Variants in PID1 observed in about 807,000 individuals in gnomAD.
The protein encoded by PID1 is phosphotyrosine interaction domain containing 1, also known as PTB-containing, cubilin and LRP1-interacting protein.
A neutral mutation model predicts 19.1 loss-of-function variants in PID1; 10 were observed. The ratio of observed to expected loss-of-function variants is 0.52; its 90% CI spans 0.32 to 0.89. The LOEUF (loss-of-function observed/expected upper bound fraction) is 0.89, where lower values mean the gene tolerates loss of function less well. Among genes scored for constraint, PID1 ranks in the 40% least tolerant of loss-of-function variants. The probability of loss-of-function intolerance (pLI) is 0.03; values close to 1 mark genes in which losing one functional copy is unlikely to be tolerated. For synonymous variants in PID1, 130 were observed against 116.0 expected, an observed-to-expected ratio of 1.12 and a Z score of -0.78; for missense variants, 248 against 285.3, an observed-to-expected ratio of 0.87 and a Z score of 0.94.
intron 2 of PID1, among the ~76,000 whole-genome samples, chr2:229,152,997 G>A (rs959927564): frequency 3.9e-5 from 6 of 152,222 alleles, no homozygotes; most frequent in African/African-American, 9.7e-5. Flanking sequence ...CCTGGGAGGC[G>A]TGAGCCCGAG....
chr2:229,098,444 T>C (rs570331764), intron 2 of PID1, among the ~76,000 whole-genome samples: 3 of 152,202 alleles, frequency 2.0e-5, no homozygotes, highest in African/African-American at 4.8e-5. Context: ...CTTTGTCCAA[T>C]TGACACATAT....
intron 1 of PID1, among the ~76,000 whole-genome samples, chr2:229,250,605 C>T (rs1449474910): frequency 2.0e-5 from 3 of 152,336 alleles, no homozygotes; most frequent in Middle Eastern, 3.4e-3. Context: ...CCAATTTTCT[C>T]GTTTTCCTTA....
intron 2 of PID1, among the ~76,000 whole-genome samples, chr2:229,078,992 C>T (rs13006244): frequency 0.054 from 8,272 of 152,210 alleles, 439 homozygotes; most frequent in African/African-American, 0.13. Context: ...TTAGGCAAAA[C>T]AAGTGATGCT....
At chr2:229,058,028 T>G (rs1694138377) in intron 2 of PID1, among the ~76,000 whole-genome samples, 1 of 152,168 alleles carries the variant, frequency 6.6e-6, no homozygotes, top group Non-Finnish European at 1.5e-5. Context: ...ATAAGGTCAA[T>G]TGTGCTATGG....
chr2:229,111,681 C>G (rs1574637420), intron 2 of PID1, among the ~76,000 whole-genome samples: 1 of 152,186 alleles, frequency 6.6e-6, no homozygotes, highest in Middle Eastern at 3.4e-3. Context: ...ACAATAAAAA[C>G]AATTCCAAAA....
chr2:229,210,532 AAAAAAAAAAAAAAAAAAAAAAAC>A (rs1691708364), intron 1 of PID1, among the ~76,000 whole-genome samples: 1 of 143,574 alleles, frequency 7.0e-6, no homozygotes, highest in East Asian at 2.1e-4. Flanking sequence ...TCTCAAAAAA[AAAAAAAAAAAAAAAAAAAAAAAC>A]AACCTAGAAG....
chr2:229,031,503 G>T (rs1335541695), intron 2 of PID1, among the ~76,000 whole-genome samples: 1 of 151,136 alleles, frequency 6.6e-6, no homozygotes, highest in Non-Finnish European at 1.5e-5. Flanking sequence ...GGTTGCAGAG[G>T]GCTATGATTG....
chr2:229,164,735 C>T (rs1690564413), intron 1 of PID1, among the ~76,000 whole-genome samples: 1 of 152,132 alleles, frequency 6.6e-6, no homozygotes, highest in Non-Finnish European at 1.5e-5. Flanking sequence ...GTAAGATGTA[C>T]ACCTGCCCAG....
At chr2:229,147,591 T>C (rs147888781) in intron 2 of PID1, among the ~76,000 whole-genome samples, 1 of 152,110 alleles carries the variant, frequency 6.6e-6, no homozygotes, top group East Asian at 1.9e-4. Flanking sequence ...TAATACATTA[T>C]AAATATTTTC....
chr2:229,177,852 T>C (rs561174282), intron 1 of PID1, among the ~76,000 whole-genome samples: 95 of 152,228 alleles, frequency 6.2e-4, no homozygotes, highest in Non-Finnish European at 7.2e-4. Flanking sequence ...TGCTCTGAGG[T>C]AGGAACTACG....
At chr2:229,109,346 C>CA (rs924537010) in intron 2 of PID1, among the ~76,000 whole-genome samples, 169 of 149,646 alleles carry the variant, frequency 1.1e-3, no homozygotes, top group East Asian at 4.5e-3. Flanking sequence ...GGCAAGGAGT[C>CA]AAAAAAAAAG....
At chr2:229,115,106 C>T (rs142388566) in intron 2 of PID1, among the ~76,000 whole-genome samples, 234 of 152,174 alleles carry the variant, frequency 1.5e-3, no homozygotes, top group African/African-American at 5.4e-3. Flanking sequence ...GTGACAAGCT[C>T]AACCAATCAA....
At chr2:229,236,607 T>A (rs1689693049) in intron 1 of PID1, 1 of 152,032 alleles carries the variant, frequency 6.6e-6, no homozygotes, top group Non-Finnish European at 1.5e-5. Flanking sequence ...CATTTTCACA[T>A]CTTACAAAGG....
intron 1 of PID1, among the ~76,000 whole-genome samples, chr2:229,170,966 T>C (rs928471394): frequency 6.6e-6 from 1 of 152,134 alleles, no homozygotes; most frequent in Non-Finnish European, 1.5e-5. Context: ...CCAGACCAAA[T>C]GTTATGAATT....
At chr2:229,043,814 GC>G (rs1284187069) in intron 2 of PID1, among the ~76,000 whole-genome samples, 2 of 152,320 alleles carry the variant, frequency 1.3e-5, no homozygotes, top group African/African-American at 4.8e-5. Context: ...AGCCATGGAA[GC>G]CATCGGCTTA....
chr2:229,059,884 C>T (rs1049622605), intron 2 of PID1, among the ~76,000 whole-genome samples: 3 of 152,142 alleles, frequency 2.0e-5, no homozygotes, highest in African/African-American at 7.2e-5. Flanking sequence ...AGTGCCTGGT[C>T]ATATACAGCT....
intron 2 of PID1, among the ~76,000 whole-genome samples, chr2:229,058,424 G>A (rs1226819643): frequency 1.3e-5 from 2 of 152,174 alleles, no homozygotes; most frequent in Non-Finnish European, 2.9e-5. Context: ...ATGGATGCTG[G>A]TTACACCTAG....
intron 1 of PID1, among the ~76,000 whole-genome samples, chr2:229,255,678 T>G (rs781185551): frequency 8.5e-5 from 13 of 152,118 alleles, no homozygotes; most frequent in Non-Finnish European, 1.3e-4. Context: ...CAATGAGAAG[T>G]TTTAGTTGCC....
At chr2:229,269,304 T>C (rs965539452) in intron 1 of PID1, among the ~76,000 whole-genome samples, 3 of 152,230 alleles carry the variant, frequency 2.0e-5, no homozygotes, top group African/African-American at 7.2e-5. Flanking sequence ...ACGTGCACAT[T>C]TCACAAAATA....
Sources: allele counts gnomAD v4.1 joint callset (sites outside exome capture counted in the v4.1 genomes callset), GRCh38; gene constraint gnomAD v4.1.1; transcripts MANE v1.5; gene names NCBI Gene and HGNC (gene_info 2026-07-23, HGNC 2026-07-21).